The following AGBL4 variants were observed in gnomAD, a reference collection of about 807,000 sequenced individuals.
The protein encoded by AGBL4 is AGBL carboxypeptidase 4.
A neutral mutation model predicts 66.4 loss-of-function variants in AGBL4; 58 were observed. That is an observed-to-expected ratio of 0.87 (90% CI 0.71 to 1.09). The LOEUF (loss-of-function observed/expected upper bound fraction) is 1.09, where lower values mean the gene tolerates loss of function less well. AGBL4 is among the 50% of genes least tolerant of loss of function. The pLI is 0.00. For synonymous variants in AGBL4, 234 were observed against 222.9 expected (o/e 1.05, Z -0.44); for missense variants, 579 against 631.0 (o/e 0.92, Z 0.88).
chr1:49,930,230 C>T (rs1653194907), intron 1 of AGBL4, among the ~76,000 whole-genome samples: 1 of 151,940 alleles, frequency 6.6e-6, no homozygotes, highest in African/African-American at 2.4e-5. Context: ...TTGATAAATT[C>T]CTTGAGACAC....
chr1:48,771,675 C>T (rs1160548166), intron 6 of AGBL4, among the ~76,000 whole-genome samples: 1 of 152,138 alleles, frequency 6.6e-6, no homozygotes. Context: ...TGGCAGTTTC[C>T]CACTGATGAC....
intron 3 of AGBL4, among the ~76,000 whole-genome samples, chr1:49,556,370 C>T (rs1643897388): frequency 6.6e-6 from 1 of 151,836 alleles, no homozygotes; most frequent in Admixed American, 6.6e-5. Context: ...CATACTGGCG[C>T]CTGTCGTGAG....
intron 3 of AGBL4, among the ~76,000 whole-genome samples, chr1:49,588,354 A>C: frequency 6.6e-6 from 1 of 152,352 alleles, no homozygotes; most frequent in Non-Finnish European, 1.5e-5. Flanking sequence ...CCTTAAGGAC[A>C]GAGACTGAAT....
chr1:49,801,573 T>C (rs867133259), intron 2 of AGBL4, among the ~76,000 whole-genome samples: 4 of 152,190 alleles, frequency 2.6e-5, no homozygotes, highest in African/African-American at 9.7e-5. Context: ...TCAATAACCA[T>C]TGAATACATC....
chr1:49,558,284 C>T (rs2178085), intron 3 of AGBL4, among the ~76,000 whole-genome samples: 63,954 of 151,836 alleles, frequency 0.42, 16,036 homozygotes, highest in Non-Finnish European at 0.56. Context: ...CCTTAGGTAC[C>T]AGAATGGCCA....
intron 3 of AGBL4, among the ~76,000 whole-genome samples, chr1:49,593,730 C>A (rs1031626600): frequency 6.6e-6 from 1 of 152,022 alleles, no homozygotes; most frequent in African/African-American, 2.4e-5. Context: ...AATATTATTT[C>A]TCTCATATAG....
chr1:49,579,658 C>A (rs1644503881), intron 3 of AGBL4, among the ~76,000 whole-genome samples: 1 of 152,048 alleles, frequency 6.6e-6, no homozygotes, highest in African/African-American at 2.4e-5. Context: ...TGTCACCGTG[C>A]CCAGCTAATT....
intron 2 of AGBL4, among the ~76,000 whole-genome samples, chr1:49,731,614 A>C (rs1024457963): frequency 7.2e-5 from 11 of 152,316 alleles, no homozygotes; most frequent in Non-Finnish European, 1.2e-4. Context: ...TATAAGCAAC[A>C]AAAGAAAGCA....
At chr1:49,313,142 G>A (rs1031061066) in intron 3 of AGBL4, among the ~76,000 whole-genome samples, 2 of 151,514 alleles carry the variant, frequency 1.3e-5, no homozygotes, top group Non-Finnish European at 2.9e-5. Context: ...TTCTCTTCTT[G>A]TTTTAGCTTG....
chr1:49,432,745 T>C (rs1645814549), intron 3 of AGBL4, among the ~76,000 whole-genome samples: 1 of 152,180 alleles, frequency 6.6e-6, no homozygotes, highest in Admixed American at 6.6e-5. Context: ...TCTTTCTCCC[T>C]GTTTATTGAC....
intron 3 of AGBL4, among the ~76,000 whole-genome samples, chr1:49,513,806 G>C (rs1208183888): frequency 6.6e-6 from 1 of 151,918 alleles, no homozygotes; most frequent in Non-Finnish European, 1.5e-5. Flanking sequence ...TCAACTGACT[G>C]CTTGACTGAC....
At chr1:49,248,778 G>A (rs553483360) in intron 3 of AGBL4, among the ~76,000 whole-genome samples, 18 of 152,208 alleles carry the variant, frequency 1.2e-4, no homozygotes, top group Admixed American at 3.3e-4. Context: ...TTTATTGAGC[G>A]TTTCCTCTTC....
At chr1:49,637,519 T>C (rs979226158) in intron 3 of AGBL4, among the ~76,000 whole-genome samples, 11 of 152,050 alleles carry the variant, frequency 7.2e-5, no homozygotes, top group African/African-American at 2.7e-4. Context: ...GCCAGGCTGG[T>C]TTTGAACTAC....
chr1:49,275,862 T>C (rs1227301434), intron 3 of AGBL4, among the ~76,000 whole-genome samples: 1 of 152,150 alleles, frequency 6.6e-6, no homozygotes, highest in Non-Finnish European at 1.5e-5. Context: ...GATATAAACT[T>C]TGGGGAAAAT....
At chr1:49,655,764 G>C (rs1485592624) in intron 3 of AGBL4, among the ~76,000 whole-genome samples, 1 of 152,202 alleles carries the variant, frequency 6.6e-6, no homozygotes, top group South Asian at 2.1e-4. Flanking sequence ...GAATCCAGGA[G>C]CTGGTTTTTT....
intron 4 of AGBL4, among the ~76,000 whole-genome samples, chr1:49,114,327 T>C (rs1645473167): frequency 1.3e-5 from 2 of 152,228 alleles, no homozygotes; most frequent in African/African-American, 2.4e-5. Context: ...ACTTTTCTTC[T>C]GCACCTTCTT....
At chr1:48,710,508 A>G (rs1410468400) in intron 6 of AGBL4, among the ~76,000 whole-genome samples, 1 of 152,208 alleles carries the variant, frequency 6.6e-6, no homozygotes, top group Non-Finnish European at 1.5e-5. Context: ...CACATGCCAG[A>G]TACAAAGGCC....
At chr1:48,657,658 C>G (rs1274858010) in intron 7 of AGBL4, among the ~76,000 whole-genome samples, 1 of 152,144 alleles carries the variant, frequency 6.6e-6, no homozygotes, top group African/African-American at 2.4e-5. Context: ...AGTGGGTGGA[C>G]AGCAAACAGT....
At chr1:48,535,587 G>T (rs1242674039) in intron 12 of AGBL4, among the ~76,000 whole-genome samples, 1 of 152,076 alleles carries the variant, frequency 6.6e-6, no homozygotes, top group African/African-American at 2.4e-5. Flanking sequence ...TACTCTAAAC[G>T]TTCTGGCCTT....
Sources: allele counts gnomAD v4.1 joint callset (sites outside exome capture counted in the v4.1 genomes callset), GRCh38; gene constraint gnomAD v4.1.1; transcripts MANE v1.5; gene names NCBI Gene and HGNC (gene_info 2026-07-23, HGNC 2026-07-21).